Variants in MGMT observed in about 807,000 individuals in gnomAD.
MGMT encodes the protein methylated-DNA--protein-cysteine methyltransferase.
MGMT carries 14 observed loss-of-function variants against 15.9 expected under a neutral mutation model. The observed-to-expected ratio is 0.88, with a 90% confidence interval of 0.58 to 1.37. MGMT has a LOEUF of 1.37. Ranked by LOEUF, MGMT falls within the 40% of genes most tolerant of loss-of-function variation. The probability of loss-of-function intolerance (pLI) is 0.00; values close to 1 mark genes in which losing one functional copy is unlikely to be tolerated. For missense variants in MGMT, 282 were observed against 268.1 expected, an observed-to-expected ratio of 1.05 and a Z score of -0.36; for synonymous variants, 130 against 118.2, an observed-to-expected ratio of 1.10 and a Z score of -0.65.
intron 2 of MGMT, among the ~76,000 whole-genome samples, chr10:129,657,077 A>T (rs192464810): frequency 1.9e-4 from 29 of 152,292 alleles, no homozygotes; most frequent in Admixed American, 1.7e-3. Context: ...ACCACTTAGC[A>T]AGTTCTAAGT....
chr10:129,657,064 G>A (rs7080570), intron 2 of MGMT, among the ~76,000 whole-genome samples: 69,565 of 151,882 alleles, frequency 0.46, 16,552 homozygotes, highest in African/African-American at 0.59. Context: ...CTAGGGATTT[G>A]CAACCACTTA....
Position 129,616,236 on chromosome 10 carries a change from C to T in MGMT, c.125+79859C>T, listed in dbSNP as rs74160242. 1.0e-2 allele frequency among the ~76,000 whole-genome samples: 1,519 copies of T among 152,340 alleles called. 30 individuals are homozygous for T. Among genetic ancestry groups the T allele is most frequent in the African/African-American group, 0.034 (1,432 of 41,586 alleles). On this transcript the variant is annotated intron_variant, in intron 2 of 4. Coordinates refer to ENST00000651593, the MANE Select transcript of MGMT (RefSeq NM_002412.5). ...CACATACTCCTACATACATGCCACA[C>T]GCATGCCACGGTGCTTAGGAATCTT... is the stretch of plus-strand genomic sequence containing the variant.
intron 2 of MGMT, among the ~76,000 whole-genome samples, chr10:129,585,566 A>G (rs181020196): frequency 2.6e-5 from 4 of 152,314 alleles, no homozygotes; most frequent in African/African-American, 4.8e-5. Context: ...ACACCCTCCC[A>G]TATTTTTTAA....
chr10:129,713,578 C>T (rs1201504583), intron 3 of MGMT, among the ~76,000 whole-genome samples: 1 of 152,056 alleles, frequency 6.6e-6, no homozygotes, highest in Non-Finnish European at 1.5e-5. Context: ...GTCATTTCTA[C>T]CATGGAGAGG....
chr10:129,721,511 T>G (rs375098181), intron 3 of MGMT, among the ~76,000 whole-genome samples: 16 of 152,362 alleles, frequency 1.1e-4, no homozygotes, highest in African/African-American at 3.8e-4. Context: ...GTATGAAAAT[T>G]TTCTTCTATT....
chr10:129,477,348 G>A (rs1845307254), intron 1 of MGMT, among the ~76,000 whole-genome samples: 1 of 152,138 alleles, frequency 6.6e-6, no homozygotes, highest in East Asian at 1.9e-4. Flanking sequence ...CCAAGGCCTG[G>A]TGTGTGGTTT....
At chr10:129,596,017 AAG>A (rs1846746998) in intron 2 of MGMT, among the ~76,000 whole-genome samples, 1 of 152,182 alleles carries the variant, frequency 6.6e-6, no homozygotes, top group Non-Finnish European at 1.5e-5. Flanking sequence ...CTGCACAAAG[AAG>A]AGTCAGACTA....
chr10:129,524,479 A>T (rs932227256), intron 1 of MGMT, among the ~76,000 whole-genome samples: 2 of 151,930 alleles, frequency 1.3e-5, no homozygotes, highest in Non-Finnish European at 2.9e-5. Context: ...GAATCTCTTC[A>T]TATAGATTTT....
At chr10:129,557,729 A>G (rs1470087184) in intron 2 of MGMT, among the ~76,000 whole-genome samples, 3 of 152,240 alleles carry the variant, frequency 2.0e-5, no homozygotes, top group Admixed American at 2.0e-4. Flanking sequence ...ATAATGGGAC[A>G]TAAGCCTCTG....
At position 129,580,338 on chromosome 10, in the gene MGMT, A is replaced by G. The variant is rs540319993; in HGVS notation, c.125+43961A>G. ...TGGTTTAATCTGATTTAATCTTCACAAAAACCTTGAGGGATAGGCATTACG... is the reference window on the plus strand; with the variant it reads ...TGGTTTAATCTGATTTAATCTTCACGAAAACCTTGAGGGATAGGCATTACG... On this transcript the variant is annotated intron_variant, in intron 2 of 4. Coordinates refer to ENST00000651593, the MANE Select transcript of MGMT (RefSeq NM_002412.5). 7.9e-5 allele frequency among the ~76,000 whole-genome samples: 12 copies of G among 152,296 alleles called. No homozygotes were observed. In the East Asian group the frequency reaches 1.9e-3, roughly 25 times the overall value.
intron 2 of MGMT, among the ~76,000 whole-genome samples, chr10:129,687,698 CT>C (rs35636912): frequency 0.32 from 45,539 of 142,706 alleles, 7,051 homozygotes; most frequent in East Asian, 0.62. Flanking sequence ...ATGTGTAGCC[CT>C]TTTTTTTTTT....
At position 129,632,471 on chromosome 10, in the gene MGMT, C is replaced by T. The variant is rs377041884; in HGVS notation, c.126-75424C>T. On this transcript the variant is annotated intron_variant, in intron 2 of 4. Transcript: ENST00000651593. ...ATTTTCACGTGAGACTTCGCCAGTA[C>T]GGGGCAAAAGCACACGGTAGAGGAT... Among the ~76,000 whole-genome samples the T allele has an allele frequency of 7.3e-3, 1,109 of 152,130 alleles. 9 individuals carry two copies. Among genetic ancestry groups the T allele is most frequent in the African/African-American group, 0.024 (995 of 41,466 alleles).
chr10:129,724,683 G>C (rs1041977909), intron 3 of MGMT, among the ~76,000 whole-genome samples: 3 of 152,124 alleles, frequency 2.0e-5, no homozygotes, highest in Non-Finnish European at 4.4e-5. Flanking sequence ...ATGGATATGG[G>C]GTGGAGAGAT....
At chr10:129,646,283 C>T (rs183188609) in intron 2 of MGMT, among the ~76,000 whole-genome samples, 4 of 152,126 alleles carry the variant, frequency 2.6e-5, no homozygotes, top group East Asian at 1.9e-4. Flanking sequence ...AGACATTTCT[C>T]CTGGCTCAGA....
At chr10:129,700,856 A>G (rs1475200392) in intron 2 of MGMT, 1 of 152,186 alleles carries the variant, frequency 6.6e-6, no homozygotes, top group Non-Finnish European at 1.5e-5. Flanking sequence ...AGATCTCTAA[A>G]TGGGACATAA....
chr10:129,549,034 T>TA (rs772787584), intron 2 of MGMT, among the ~76,000 whole-genome samples: 89 of 152,258 alleles, frequency 5.8e-4, no homozygotes, highest in Non-Finnish European at 1.2e-3. Context: ...TTCATTTACT[T>TA]ACTAAGTTTG....
chr10:129,484,047 A>G (rs981836614), intron 1 of MGMT, among the ~76,000 whole-genome samples: 3 of 152,224 alleles, frequency 2.0e-5, no homozygotes, highest in African/African-American at 4.8e-5. Context: ...CTGTATTTCA[A>G]CTGAGACCTG....
At chr10:129,546,559 A>C (rs1846100511) in intron 2 of MGMT, among the ~76,000 whole-genome samples, 1 of 152,210 alleles carries the variant, frequency 6.6e-6, no homozygotes, top group Non-Finnish European at 1.5e-5. Flanking sequence ...CTGGAGGAAC[A>C]GTTTAACAAG....
intron 2 of MGMT, among the ~76,000 whole-genome samples, chr10:129,586,364 T>G (rs1045301675): frequency 1.3e-5 from 2 of 152,302 alleles, no homozygotes; most frequent in Admixed American, 6.5e-5. Flanking sequence ...TCCTTTCTCA[T>G]CCCCAGGCAA....
Sources: gnomAD v4.1 joint callset for allele counts (sites outside exome capture counted in the v4.1 genomes callset) on GRCh38, gnomAD v4.1.1 for gene constraint, MANE v1.5 for transcripts, NCBI Gene and HGNC (gene_info 2026-07-23, HGNC 2026-07-21) for gene names.